Variants in GBE1 observed in about 807,000 individuals in gnomAD.
GBE1 encodes 1,4-alpha-glucan branching enzyme 1.
Under a neutral mutation model 88.8 loss-of-function variants are expected in GBE1, and 70 were observed. That is an observed-to-expected ratio of 0.79 (90% CI 0.65 to 0.96). The LOEUF (loss-of-function observed/expected upper bound fraction) is 0.96, where lower values mean the gene tolerates loss of function less well. Ranked by LOEUF, GBE1 falls within the 40% of genes least tolerant of loss-of-function variation. The probability of loss-of-function intolerance (pLI) is 0.00; values close to 1 mark genes in which losing one functional copy is unlikely to be tolerated. For synonymous variants in GBE1, 284 were observed against 300.1 expected, an observed-to-expected ratio of 0.95 and a Z score of 0.56; for missense variants, 872 against 871.0, an observed-to-expected ratio of 1.00 and a Z score of -0.01.
chr3:81,710,362 G>C (rs1309729439), intron 1 of GBE1, among the ~76,000 whole-genome samples: 2 of 147,498 alleles, frequency 1.4e-5, no homozygotes, highest in African/African-American at 5.0e-5. Context: ...AGCCTCCCGA[G>C]CAGCTGGGAC....
chr3:81,618,828 T>C (rs1704285239), intron 7 of GBE1, among the ~76,000 whole-genome samples: 2 of 152,148 alleles, frequency 1.3e-5, no homozygotes, highest in African/African-American at 4.8e-5. Context: ...AGACTACAGC[T>C]AAAGTTATTG....
chr3:81,613,778 T>A (rs1025469409), intron 7 of GBE1, among the ~76,000 whole-genome samples: 3 of 152,260 alleles, frequency 2.0e-5, no homozygotes, highest in African/African-American at 7.2e-5. Flanking sequence ...ACCTGTAGGG[T>A]CTTACTTGGT....
intron 7 of GBE1, among the ~76,000 whole-genome samples, chr3:81,597,479 C>CAA (rs1010638375): frequency 1.1e-3 from 135 of 126,860 alleles, no homozygotes; most frequent in African/African-American, 4.0e-3. Flanking sequence ...ATATATATCT[C>CAA]AAAATATATA....
intron 8 of GBE1, among the ~76,000 whole-genome samples, chr3:81,591,500 G>A (rs1703876623): frequency 6.6e-6 from 1 of 152,088 alleles, no homozygotes; most frequent in African/African-American, 2.4e-5. Flanking sequence ...TACATTTTCT[G>A]TCACATTAAG....
intron 14 of GBE1, among the ~76,000 whole-genome samples, chr3:81,499,735 A>T (rs1448893546): frequency 6.6e-6 from 1 of 152,222 alleles, no homozygotes; most frequent in Non-Finnish European, 1.5e-5. Flanking sequence ...AATCAATTTC[A>T]GATAAAAAAT....
chr3:81,554,164 G>A lies in GBE1; in HGVS notation c.1619-17069C>T, dbSNP rs542059495. On this transcript the variant is annotated intron_variant, in intron 12 of 15. Transcript: ENST00000429644. ...AAAATACTCTATTGGGAGAAAATTA[G>A]CCACACAAAGGAAATGGTGGGGGGA... Among the ~76,000 whole-genome samples, 34 of 152,140 alleles carry A rather than the reference G, an allele frequency of 2.2e-4. No homozygotes were observed. In the South Asian group the frequency reaches 7.1e-3, roughly 32 times the overall value.
intron 1 of GBE1, among the ~76,000 whole-genome samples, chr3:81,708,538 TC>T (rs1705808956): frequency 6.6e-6 from 1 of 152,086 alleles, no homozygotes; most frequent in Non-Finnish European, 1.5e-5. Flanking sequence ...GGGATATGGT[TC>T]AGGAGAAAAG....
At chr3:81,613,210 C>T (rs890034606) in intron 7 of GBE1, 3 of 214,328 alleles carry the variant, frequency 1.4e-5, no homozygotes, top group Non-Finnish European at 1.8e-5. Context: ...TTTCTCTACA[C>T]CATGATTCTC....
At chr3:81,737,499 T>C (rs1422370050) in intron 1 of GBE1, among the ~76,000 whole-genome samples, 1 of 148,608 alleles carries the variant, frequency 6.7e-6, no homozygotes, top group African/African-American at 2.5e-5. Context: ...TACTCAAATG[T>C]GTGCCACAGA....
At chr3:81,583,908 ATGAATGAG>A (rs1355308629) in intron 10 of GBE1, among the ~76,000 whole-genome samples, 3 of 152,114 alleles carry the variant, frequency 2.0e-5, no homozygotes, top group African/African-American at 7.2e-5. Context: ...GGGAAAACTG[ATGAATGAG>A]CATACCAGAT....
intron 1 of GBE1, among the ~76,000 whole-genome samples, chr3:81,717,753 T>C (rs1705959490): frequency 6.6e-6 from 1 of 152,106 alleles, no homozygotes; most frequent in Non-Finnish European, 1.5e-5. Context: ...CTTCTTTGAT[T>C]CTTATTTGGG....
At chr3:81,593,545 A>G (rs1469079072) in intron 8 of GBE1, among the ~76,000 whole-genome samples, 1 of 151,920 alleles carries the variant, frequency 6.6e-6, no homozygotes, top group East Asian at 1.9e-4. Context: ...ATTAAAATAC[A>G]TATTTTATTC....
intron 1 of GBE1, among the ~76,000 whole-genome samples, chr3:81,747,837 C>A (rs1388205325): frequency 6.6e-6 from 1 of 152,122 alleles, no homozygotes; most frequent in Non-Finnish European, 1.5e-5. Context: ...TTTTCCATTA[C>A]CTTCCCAAAT....
intron 14 of GBE1, among the ~76,000 whole-genome samples, chr3:81,509,187 T>C (rs1242662227): frequency 6.6e-6 from 1 of 152,128 alleles, no homozygotes; most frequent in Non-Finnish European, 1.5e-5. Context: ...TCTGTGTCTT[T>C]GTTCTCACTA....
rs540831364 is a variant in GBE1, at chr3:81,645,377, C to T, written c.782+1015G>A. On this transcript the variant is annotated intron_variant, in intron 6 of 15. Transcript: ENST00000429644. ...GGAAGCCAGGGAAAGAAAAAGGTTT[C>T]AAGAAGGTGACAGTAACCAGCTGTA... Among the ~76,000 whole-genome samples, 43 of 152,238 alleles carry T rather than the reference C, an allele frequency of 2.8e-4. 1 individual carries two copies. The South Asian group carries it at 8.9e-3, about 32-fold the overall frequency.
chr3:81,573,362 G>A (rs2106926902), intron 12 of GBE1, among the ~76,000 whole-genome samples: 1 of 152,144 alleles, frequency 6.6e-6, no homozygotes, highest in African/African-American at 2.4e-5. Flanking sequence ...TAACTTTCCT[G>A]TGGCTTCCTA....
At chr3:81,546,438 G>A (rs529033083) in intron 12 of GBE1, among the ~76,000 whole-genome samples, 4,739 of 151,470 alleles carry the variant, frequency 0.031, 105 homozygotes, top group Non-Finnish European at 0.049. Context: ...GTAAAATAAG[G>A]ATGAGACCTA....
At chr3:81,636,594 A>C (rs977999392) in intron 7 of GBE1, among the ~76,000 whole-genome samples, 2 of 150,938 alleles carry the variant, frequency 1.3e-5, no homozygotes, top group Non-Finnish European at 2.9e-5. Context: ...GCAATGGCGC[A>C]ATCTCGGCTC....
chr3:81,516,648 T>C (rs964407298), intron 14 of GBE1, among the ~76,000 whole-genome samples: 1 of 151,506 alleles, frequency 6.6e-6, no homozygotes, highest in African/African-American at 2.4e-5. Context: ...GCAAAGCAAA[T>C]TGAAAATCTT....
Sources: allele counts gnomAD v4.1 joint callset (sites outside exome capture counted in the v4.1 genomes callset), GRCh38; gene constraint gnomAD v4.1.1; transcripts MANE v1.5; gene names NCBI Gene and HGNC (gene_info 2026-07-23, HGNC 2026-07-21).